TNRC6C: variants seen among roughly 807,000 people sequenced by gnomAD.
TNRC6C encodes the protein trinucleotide repeat-containing gene 6C protein.
Under a neutral mutation model 153.7 loss-of-function variants are expected in TNRC6C, and 20 were observed. The ratio of observed to expected loss-of-function variants is 0.13; its 90% CI spans 0.09 to 0.19. The LOEUF is 0.19. Ranked by LOEUF, TNRC6C falls within the 10% of genes least tolerant of loss-of-function variation. The pLI is 1.00. For missense variants in TNRC6C, 1,987 were observed against 2,172.0 expected (o/e 0.91, Z 1.69); for synonymous variants, 811 against 841.4 (o/e 0.96, Z 0.63).
intron 1 of TNRC6C, among the ~76,000 whole-genome samples, chr17:77,961,622 C>CG (rs1458332324): frequency 1.3e-5 from 2 of 152,050 alleles, no homozygotes; most frequent in Non-Finnish European, 1.5e-5. Context: ...GTGTTTATTG[C>CG]GGGGGGCGAG....
At chr17:78,030,194 G>T (rs771458956) in intron 1 of TNRC6C, among the ~76,000 whole-genome samples, 7 of 151,834 alleles carry the variant, frequency 4.6e-5, no homozygotes, top group Non-Finnish European at 7.4e-5. Flanking sequence ...CTGTCACCCA[G>T]CCTGGAGTGC....
At chr17:78,064,244 C>T (rs1046702319) in intron 3 of TNRC6C, among the ~76,000 whole-genome samples, 3 of 152,122 alleles carry the variant, frequency 2.0e-5, no homozygotes, top group African/African-American at 4.8e-5. Context: ...TACAAGTGCA[C>T]GCCACCATAC....
At chr17:78,004,181 A>G (rs1232513631), upstream of TNRC6C, 1 of 1,231,650 alleles carries the variant, frequency 8.1e-7, no homozygotes, top group Non-Finnish European at 1.0e-6. Flanking sequence ...GAGAAAGAGC[A>G]AGAAACACAA....
At position 78,075,301 on chromosome 17, in the gene TNRC6C, G is replaced by GT. The variant is rs1334950704; in HGVS notation, c.3060+28dup. The GT allele has an allele frequency of 1.9e-6, 3 of 1,555,806 alleles. No individual in the cohort carries two copies. The Admixed American group carries it at 5.8e-5, about 30-fold the overall frequency. On this transcript the variant is annotated intron_variant, in intron 8 of 19. Coordinates refer to ENST00000301624, the Ensembl canonical transcript of TNRC6C. The surrounding 1 kb of genome is among the most constrained non-coding windows in gnomAD (Gnocchi z 4.2). ...AAGGTATGAATATAGGTGGTTTGTT[G>GT]TTTTTGCTTTTTTAACAAGAGGAGT...
chr17:77,993,534 A>G (rs2071283887), intron 1 of TNRC6C, among the ~76,000 whole-genome samples: 1 of 152,228 alleles, frequency 6.6e-6, no homozygotes, highest in Non-Finnish European at 1.5e-5. Flanking sequence ...TGCAGCTCAC[A>G]GTCTCAAATG....
rs139996362 is a variant in TNRC6C at position 78,053,607 on chromosome 17, C to T, written c.2395+2150C>T. On this transcript the variant is annotated intron_variant, in intron 3 of 19. Coordinates refer to ENST00000301624, the Ensembl canonical transcript of TNRC6C. ...TGGGGCCATTGCACTCCAGCCTGGG[C>T]GACAGAGCGAAACTCTGTCTCAAAA... Among the ~76,000 whole-genome samples, 267 of 147,824 alleles carry T rather than the reference C, an allele frequency of 1.8e-3. 1 individual carries two copies. Among genetic ancestry groups the T allele is most frequent in the African/African-American group, 6.0e-3 (238 of 39,854 alleles).
intron 1 of TNRC6C, among the ~76,000 whole-genome samples, chr17:77,991,182 G>T (rs758495665): frequency 3.6e-4 from 55 of 152,188 alleles, no homozygotes; most frequent in Non-Finnish European, 6.5e-4. Flanking sequence ...TTGATCCCTT[G>T]AAGAAATTCT....
At chr17:78,050,936 G>A in exon 3 of TNRC6C, 1 of 1,613,994 alleles carries the variant, frequency 6.2e-7, no homozygotes, top group Non-Finnish European at 8.5e-7. Context: ...GACAGTAATA[G>A]GTCAGGGTCT....
chr17:78,060,123 A>AGT (rs1233916697), intron 3 of TNRC6C, among the ~76,000 whole-genome samples: 2 of 152,178 alleles, frequency 1.3e-5, no homozygotes, highest in Non-Finnish European at 2.9e-5. Context: ...TTGGAATGGA[A>AGT]GTGTCAAATG....
At chr17:78,087,024 C>A in exon 13 of TNRC6C, 1 of 1,613,890 alleles carries the variant, frequency 6.2e-7, no homozygotes, top group Non-Finnish European at 8.5e-7. Flanking sequence ...CCCACAGACT[C>A]CCGGCCTACC....
At chr17:78,099,574 T>C (rs1011047109) in intron 17 of TNRC6C, among the ~76,000 whole-genome samples, 59 of 152,188 alleles carry the variant, frequency 3.9e-4, no homozygotes, top group African/African-American at 1.4e-3. Context: ...GAGAACAGCA[T>C]GGAAAAGACC....
chr17:78,057,882 T>C (rs1260425705), intron 3 of TNRC6C, among the ~76,000 whole-genome samples: 1 of 152,168 alleles, frequency 6.6e-6, no homozygotes, highest in African/African-American at 2.4e-5. Context: ...ATCATTTTTG[T>C]CCTATGCTTG....
At chr17:78,064,779 G>A in exon 4 of TNRC6C, 1 of 1,613,902 alleles carries the variant, frequency 6.2e-7, no homozygotes, top group Non-Finnish European at 8.5e-7. Context: ...AACTCTTGGG[G>A]AGAACCATCC....
At chr17:78,030,330 G>A (rs2143704468) in intron 1 of TNRC6C, among the ~76,000 whole-genome samples, 1 of 151,954 alleles carries the variant, frequency 6.6e-6, no homozygotes, top group Middle Eastern at 3.4e-3. Flanking sequence ...GTGTGCGTGT[G>A]TGTGTGTGTG....
At chr17:78,069,099 A>C (rs560197803) in intron 5 of TNRC6C, among the ~76,000 whole-genome samples, 22 of 152,234 alleles carry the variant, frequency 1.4e-4, no homozygotes, top group Non-Finnish European at 2.9e-4. Context: ...ACATGACAGA[A>C]AATACCATAA....
intron 2 of TNRC6C, among the ~76,000 whole-genome samples, chr17:78,037,990 CAG>C (rs1013941033): frequency 5.3e-5 from 8 of 152,262 alleles, no homozygotes; most frequent in African/African-American, 1.9e-4. Flanking sequence ...GGGGGAAAAA[CAG>C]ATGTATACAC....
chr17:77,990,844 G>A (rs1408867503), intron 1 of TNRC6C, among the ~76,000 whole-genome samples: 2 of 152,060 alleles, frequency 1.3e-5, no homozygotes, highest in Non-Finnish European at 2.9e-5. Flanking sequence ...TAATTTCATA[G>A]GGTCAATCAG....
At chr17:78,078,727 G>A (rs1230492237) in intron 9 of TNRC6C, among the ~76,000 whole-genome samples, 1 of 152,142 alleles carries the variant, frequency 6.6e-6, no homozygotes, top group African/African-American at 2.4e-5. Context: ...CACTTTGGGA[G>A]GCTGAGGTGA....
At chr17:78,087,290 T>C (rs1598777996) in intron 13 of TNRC6C, among the ~76,000 whole-genome samples, 197 bp downstream of exon 15, 1 of 152,136 alleles carries the variant, frequency 6.6e-6, no homozygotes, top group South Asian at 2.1e-4. Context: ...ATTTTTTAAT[T>C]ATTTTTTTGA....
Sources: gnomAD v4.1 joint callset for allele counts (sites outside exome capture counted in the v4.1 genomes callset) on GRCh38, gnomAD v4.1.1 for gene constraint, Gnocchi (gnomAD v3.1) non-coding constraint, MANE v1.5 for transcripts, NCBI Gene and HGNC (gene_info 2026-07-23, HGNC 2026-07-21) for gene names.